GMDS: variants seen among roughly 807,000 people sequenced by gnomAD.
GMDS encodes the protein GDP-mannose 4,6 dehydratase.
Under a neutral mutation model 49.9 loss-of-function variants are expected in GMDS, and 20 were observed. The observed-to-expected ratio is 0.40, with a 90% CI of 0.28 to 0.58. The LOEUF is 0.58. Among genes scored for constraint, GMDS ranks in the 20% least tolerant of loss-of-function variants. The pLI, the probability that GMDS is intolerant of heterozygous loss-of-function variation, is 0.42. For missense variants in GMDS, 362 were observed against 481.4 expected, an observed-to-expected ratio of 0.75 and a Z score of 2.32; for synonymous variants, 177 against 178.6, an observed-to-expected ratio of 0.99 and a Z score of 0.07.
At position 1,749,369 on chromosome 6, in the gene GMDS, C is replaced by G. The variant is rs1054587174; in HGVS notation, c.772-6783G>C. Among the ~76,000 whole-genome samples, 4 of 152,130 alleles carry G rather than the reference C, an allele frequency of 2.6e-5. No homozygotes were observed. In the South Asian group the frequency reaches 8.3e-4, roughly 32 times the overall value. On this transcript the variant is annotated intron_variant, in intron 7 of 10. Coordinates refer to ENST00000380815, the MANE Select transcript of GMDS (RefSeq NM_001500.4). ...TTGGGAGGCTGAGGCAGGCGGATAT[C>G]TTGAGGTGAGGAGTTTAAGACCAGC...
intron 2 of GMDS, among the ~76,000 whole-genome samples, chr6:2,121,354 T>C (rs1775129195): frequency 6.6e-6 from 1 of 152,136 alleles, no homozygotes; most frequent in African/African-American, 2.4e-5. Flanking sequence ...CCCCTGTAGG[T>C]AATAAAGAAT....
chr6:1,951,888 A>G (rs1763357296), intron 6 of GMDS: 1 of 985,300 alleles, frequency 1.0e-6, no homozygotes, highest in South Asian at 4.7e-5. Context: ...AGATAAGAGC[A>G]GCTGAGACAT....
chr6:1,644,904 A>G (rs1452386635), intron 9 of GMDS, among the ~76,000 whole-genome samples: 1 of 149,946 alleles, frequency 6.7e-6, no homozygotes, highest in Non-Finnish European at 1.5e-5. Flanking sequence ...AGTGGGGTGT[A>G]TCAGGATGAG....
intron 4 of GMDS, among the ~76,000 whole-genome samples, chr6:2,057,393 T>A (rs1323894830): frequency 1.3e-5 from 2 of 152,208 alleles, no homozygotes; most frequent in Non-Finnish European, 2.9e-5. Context: ...TACATCACTG[T>A]TTTACATATA....
intron 9 of GMDS, among the ~76,000 whole-genome samples, chr6:1,677,714 C>T (rs1174536978): frequency 1.4e-5 from 2 of 147,638 alleles, no homozygotes; most frequent in African/African-American, 2.5e-5. Flanking sequence ...CCAAGCACCG[C>T]ATGTTCTCAC....
chr6:1,923,464 C>G (rs1335811705), intron 7 of GMDS, among the ~76,000 whole-genome samples: 1 of 152,232 alleles, frequency 6.6e-6, no homozygotes, highest in Non-Finnish European at 1.5e-5. Context: ...GCACCCCCAC[C>G]TGTGTACCAC....
intron 1 of GMDS, among the ~76,000 whole-genome samples, chr6:2,188,674 C>T (rs1482574918): frequency 6.6e-6 from 1 of 152,180 alleles, no homozygotes; most frequent in East Asian, 1.9e-4. Flanking sequence ...AATTTACTGT[C>T]CCATCATAAT....
intron 4 of GMDS, among the ~76,000 whole-genome samples, chr6:2,085,272 A>G (rs1001659994): frequency 6.6e-6 from 1 of 152,064 alleles, no homozygotes; most frequent in East Asian, 1.9e-4. Context: ...TATCTGTAAC[A>G]TGGTTATTTT....
chr6:1,806,445 C>CAT (rs1289731938), intron 7 of GMDS, among the ~76,000 whole-genome samples: 1 of 151,326 alleles, frequency 6.6e-6, no homozygotes, highest in Non-Finnish European at 1.5e-5. Flanking sequence ...TGGGAACACA[C>CAT]ACACACACAC....
intron 1 of GMDS, among the ~76,000 whole-genome samples, chr6:2,135,555 C>CTTTTTTTTTT (rs1276419101): frequency 6.6e-6 from 1 of 152,022 alleles, no homozygotes; most frequent in Non-Finnish European, 1.5e-5. Context: ...ATTTGAGTTT[C>CTTTTTTTTTT]TATAATCTAG....
intron 9 of GMDS, among the ~76,000 whole-genome samples, chr6:1,705,128 C>T (rs960006201): frequency 3.3e-5 from 5 of 152,234 alleles, no homozygotes; most frequent in African/African-American, 1.2e-4. Context: ...TAGCTGACCA[C>T]ATGTCAGGCC....
chr6:2,021,786 C>A (rs1768289207), intron 4 of GMDS, among the ~76,000 whole-genome samples: 1 of 152,190 alleles, frequency 6.6e-6, no homozygotes, highest in East Asian at 1.9e-4. Context: ...CACTCCTGGG[C>A]TCCAATCGCT....
intron 4 of GMDS, among the ~76,000 whole-genome samples, chr6:2,048,963 A>C (rs759014930): frequency 5.9e-5 from 9 of 152,140 alleles, no homozygotes; most frequent in Non-Finnish European, 1.3e-4. Context: ...TAGATGAGGC[A>C]TGAGGGTGGG....
At chr6:1,999,924 T>A (rs1358302996) in intron 4 of GMDS, among the ~76,000 whole-genome samples, 1 of 87,352 alleles carries the variant, frequency 1.1e-5, no homozygotes, top group African/African-American at 4.1e-5. Context: ...TATATACATA[T>A]TATATATTAT....
intron 4 of GMDS, among the ~76,000 whole-genome samples, chr6:1,978,428 G>C (rs893960044): frequency 3.9e-5 from 6 of 152,188 alleles, no homozygotes; most frequent in Non-Finnish European, 8.8e-5. Context: ...CAGCTTTGGA[G>C]AGTCCTAGCC....
intron 7 of GMDS, among the ~76,000 whole-genome samples, chr6:1,898,169 C>T (rs1378366423): frequency 6.6e-6 from 1 of 151,530 alleles, no homozygotes; most frequent in African/African-American, 2.4e-5. Flanking sequence ...CCTACCCTGG[C>T]CTCCCTTACC....
intron 4 of GMDS, among the ~76,000 whole-genome samples, chr6:2,081,152 T>G (rs1209919210): frequency 6.6e-6 from 1 of 152,182 alleles, no homozygotes; most frequent in East Asian, 1.9e-4. Flanking sequence ...ATGTTCTATA[T>G]TTTAAACTTT....
chr6:1,720,200 C>G (rs887000617), intron 9 of GMDS, among the ~76,000 whole-genome samples: 2 of 152,088 alleles, frequency 1.3e-5, no homozygotes, highest in African/African-American at 2.4e-5. Context: ...TACACAATTA[C>G]TATTTCATTA....
chr6:2,033,189 A>G (rs1334834877), intron 4 of GMDS, among the ~76,000 whole-genome samples: 2 of 152,214 alleles, frequency 1.3e-5, no homozygotes, highest in Non-Finnish European at 2.9e-5. Context: ...TAATAATTGC[A>G]TAATCACTGA....
Sources: gnomAD v4.1 joint callset for allele counts (sites outside exome capture counted in the v4.1 genomes callset) on GRCh38, gnomAD v4.1.1 for gene constraint, MANE v1.5 for transcripts, NCBI Gene and HGNC (gene_info 2026-07-23, HGNC 2026-07-21) for gene names.